FNDC3B: variants seen among roughly 807,000 people sequenced by gnomAD.
FNDC3B encodes the protein fibronectin type III domain containing 3B.
In FNDC3B, 12 loss-of-function variants were observed where a neutral mutation model predicts 151.5. The observed-to-expected ratio is 0.08, with a 90% CI of 0.05 to 0.13. FNDC3B has a LOEUF of 0.13. FNDC3B is among the 10% of genes least tolerant of loss of function. FNDC3B has a pLI of 1.00. For missense variants in FNDC3B, 1,214 were observed against 1,505.3 expected (o/e 0.81, Z 3.20); for synonymous variants, 528 against 549.0 (o/e 0.96, Z 0.54).
At chr3:172,223,837 T>C (rs1211413546) in intron 3 of FNDC3B, among the ~76,000 whole-genome samples, 1 of 152,244 alleles carries the variant, frequency 6.6e-6, no homozygotes, top group African/African-American at 2.4e-5. Flanking sequence ...TAAAAAGCAT[T>C]GTAAAGAATA....
intron 7 of FNDC3B, among the ~76,000 whole-genome samples, chr3:172,294,442 G>A (rs1730491308): frequency 6.6e-6 from 1 of 152,150 alleles, no homozygotes; most frequent in African/African-American, 2.4e-5. Flanking sequence ...GGAAGATAGA[G>A]AGAAGGGGGA....
At chr3:172,392,043 G>C (rs1736037983) in intron 25 of FNDC3B, among the ~76,000 whole-genome samples, 1 of 152,176 alleles carries the variant, frequency 6.6e-6, no homozygotes, top group Non-Finnish European at 1.5e-5. Flanking sequence ...ATAACTTACA[G>C]TGAGGCAGTT....
chr3:172,321,441 T>C (rs577888972), intron 11 of FNDC3B, among the ~76,000 whole-genome samples: 12 of 152,362 alleles, frequency 7.9e-5, no homozygotes, highest in Admixed American at 4.6e-4. Flanking sequence ...AGAGAGGTCC[T>C]TACTTTGGTG....
intron 3 of FNDC3B, among the ~76,000 whole-genome samples, chr3:172,217,759 A>C (rs1726066063): frequency 6.6e-6 from 1 of 152,194 alleles, no homozygotes; most frequent in Admixed American, 6.5e-5. Flanking sequence ...AGCTTGTCTT[A>C]TGTGAGAATT....
chr3:172,094,415 C>T (rs1718996986), intron 1 of FNDC3B, among the ~76,000 whole-genome samples: 1 of 152,326 alleles, frequency 6.6e-6, no homozygotes, highest in Middle Eastern at 3.4e-3. Context: ...ATGTGGCCTT[C>T]TCTAACTGGC....
chr3:172,309,035 CAAGA>C (rs1433301827), intron 10 of FNDC3B, among the ~76,000 whole-genome samples: 2 of 152,208 alleles, frequency 1.3e-5, no homozygotes. Flanking sequence ...CCAGCAACTT[CAAGA>C]AAGAATTTTC....
intron 25 of FNDC3B, among the ~76,000 whole-genome samples, chr3:172,385,217 T>C (rs1293594597): frequency 6.6e-6 from 1 of 152,166 alleles, no homozygotes; most frequent in Non-Finnish European, 1.5e-5. Context: ...AGTTCAAGGA[T>C]AACAGGCAAC....
Position 172,341,178 on chromosome 3 carries a change from G to A in FNDC3B, c.1918G>A (p.Gly640Ser). 1 of 1,614,188 alleles carries A rather than the reference G, an allele frequency of 6.2e-7. No individual in the cohort carries two copies. ...ATACACCTTCACCCACTTGAAACCA[G>A]GCACTTTGTACAAACTCCGAGCATG... ...TEYTFTHLKP[G>S]TLYKLRACCI... The change falls in exon 17 of 26, where the codon GGC becomes AGC. Residue 640 changes from glycine (G) to serine (S), a missense_variant. This residue lies in a region of FNDC3B where 380 missense variants were observed against 420.9 expected (regional missense o/e 0.90). Transcript: ENST00000415807.
In FNDC3B at chr3:172,139,690, A is replaced by G. The variant is rs907777666; in HGVS notation, c.187+6144A>G. ...ATTATAAATGGAAATGTTTCTTCCT[A>G]TTACAAGATTAGGATTTTAGGAGCT... On this transcript the variant is annotated intron_variant, in intron 3 of 25. Coordinates refer to ENST00000415807, the MANE Select transcript of FNDC3B (RefSeq NM_022763.4). Among the ~76,000 whole-genome samples the G allele has an allele frequency of 2.0e-5, 3 of 152,112 alleles. No homozygotes were observed. In the East Asian group the frequency reaches 5.8e-4, roughly 29 times the overall value.
intron 7 of FNDC3B, among the ~76,000 whole-genome samples, chr3:172,289,599 TTG>T (rs954379325): frequency 1.6e-4 from 25 of 152,238 alleles, no homozygotes; most frequent in African/African-American, 6.0e-4. Context: ...AAGTTCTTGT[TTG>T]TGATTGTGTG....
chr3:172,370,513 A>G (rs1392260849), intron 23 of FNDC3B, among the ~76,000 whole-genome samples: 1 of 152,246 alleles, frequency 6.6e-6, no homozygotes, highest in African/African-American at 2.4e-5. Context: ...CATATTCAAT[A>G]AGAAGTCATA....
intron 1 of FNDC3B, among the ~76,000 whole-genome samples, chr3:172,084,191 T>G (rs1238955385): frequency 1.3e-5 from 2 of 152,030 alleles, no homozygotes; most frequent in Non-Finnish European, 2.9e-5. Context: ...GCTCACGTCT[T>G]TAATCCCAGT....
chr3:172,224,538 G>C (rs1007204724), intron 3 of FNDC3B, among the ~76,000 whole-genome samples: 1 of 151,900 alleles, frequency 6.6e-6, no homozygotes. Flanking sequence ...CCCTGCTCCT[G>C]TTTTTTTTCC....
intron 1 of FNDC3B, among the ~76,000 whole-genome samples, chr3:172,056,648 G>A (rs1272174020): frequency 6.6e-6 from 1 of 152,212 alleles, no homozygotes; most frequent in Non-Finnish European, 1.5e-5. Flanking sequence ...TTGGCTCAAC[G>A]TAGTGTTTTG....
At chr3:172,253,074 A>G (rs940866492) in intron 6 of FNDC3B, among the ~76,000 whole-genome samples, 1 of 152,236 alleles carries the variant, frequency 6.6e-6, no homozygotes, top group Non-Finnish European at 1.5e-5. Flanking sequence ...GAAAAACGAG[A>G]GAGAATGTAT....
intron 6 of FNDC3B, among the ~76,000 whole-genome samples, chr3:172,280,913 A>AG (rs145902808): frequency 0.097 from 14,672 of 151,956 alleles, 776 homozygotes; most frequent in African/African-American, 0.14. Context: ...TTTGAAAAAA[A>AG]CTATTTGCTT....
At chr3:172,042,697 C>T (rs1205189887) in intron 1 of FNDC3B, among the ~76,000 whole-genome samples, 2 of 152,100 alleles carry the variant, frequency 1.3e-5, no homozygotes, top group African/African-American at 2.4e-5. Flanking sequence ...CACGTAGCTA[C>T]CAATGGTGTC....
At chr3:172,187,122 T>C in intron 3 of FNDC3B, 1 of 192,974 alleles carries the variant, frequency 5.2e-6, no homozygotes, top group Non-Finnish European at 1.1e-5. Flanking sequence ...AAACACTGGG[T>C]TGACTTCTTT....
At chr3:172,109,218 T>G (rs1719834994) in intron 1 of FNDC3B, among the ~76,000 whole-genome samples, 1 of 143,704 alleles carries the variant, frequency 7.0e-6, no homozygotes, top group Admixed American at 7.2e-5. Context: ...CAGGCTGGAG[T>G]GCAGTGGTGG....
Sources: gnomAD v4.1 joint callset for allele counts (sites outside exome capture counted in the v4.1 genomes callset) on GRCh38, gnomAD v4.1.1 for gene constraint, gnomAD v4.1.1 regional missense constraint, MANE v1.5 for transcripts, NCBI Gene and HGNC (gene_info 2026-07-23, HGNC 2026-07-21) for gene names.